The following GXYLT2 variants were observed in gnomAD, a reference collection of about 807,000 sequenced individuals.
GXYLT2 encodes the protein glucoside xylosyltransferase 2.
In GXYLT2, 53 loss-of-function variants were observed where a neutral mutation model predicts 45.8. The observed-to-expected ratio is 1.16, with a 90% CI of 0.93 to 1.46. The LOEUF (loss-of-function observed/expected upper bound fraction) is 1.46, where lower values mean the gene tolerates loss of function less well. Among genes scored for constraint, GXYLT2 ranks in the 40% most tolerant of loss-of-function variants. The pLI is 0.00. For synonymous variants in GXYLT2, 219 were observed against 214.2 expected (o/e 1.02, Z -0.19); for missense variants, 551 against 544.4 (o/e 1.01, Z -0.12).
chr3:72,935,472 A>G (rs990232363), intron 3 of GXYLT2, among the ~76,000 whole-genome samples: 2 of 152,212 alleles, frequency 1.3e-5, no homozygotes, highest in Admixed American at 1.3e-4. Flanking sequence ...ATTTCCCAGA[A>G]CAAGCAGACA....
rs913880066 is a variant in GXYLT2 at position 72,975,345 on chromosome 3, T to C, written c.*186T>C. The C allele has an allele frequency of 4.8e-6, 2 of 414,378 alleles. No homozygotes were observed. The highest frequency in any genetic ancestry group is 8.8e-5 in the South Asian group (1 of 11,422). The allele number at this position is 414,378 out of a possible 1,614,324, so 25.7% of individuals were successfully genotyped here. A position where few individuals can be genotyped will look rare whatever the true frequency, so the allele number is the denominator to read the frequency against. On this transcript the variant is annotated 3_prime_UTR_variant, in exon 7 of 7. Transcript: ENST00000389617. ...GAATATGCTTTTCCTTATTTTTTTTTCTAAAATGCTATTTATCTCTAAGGA... is the reference window on the plus strand; with the variant it reads ...GAATATGCTTTTCCTTATTTTTTTTCCTAAAATGCTATTTATCTCTAAGGA...
intron 5 of GXYLT2, among the ~76,000 whole-genome samples, chr3:72,963,830 G>A (rs997000995): frequency 6.6e-6 from 1 of 151,928 alleles, no homozygotes; most frequent in Non-Finnish European, 1.5e-5. Context: ...GTGCCACCAC[G>A]CCCAGCTAAT....
At chr3:72,962,894 G>T (rs1270002396) in intron 5 of GXYLT2, among the ~76,000 whole-genome samples, 1 of 151,710 alleles carries the variant, frequency 6.6e-6, no homozygotes, top group African/African-American at 2.4e-5. Context: ...TTGGAACAAG[G>T]AGCATTCTGA....
intron 2 of GXYLT2, among the ~76,000 whole-genome samples, chr3:72,918,843 A>T (rs1448335357): frequency 1.3e-5 from 2 of 151,980 alleles, no homozygotes; most frequent in African/African-American, 2.4e-5. Context: ...GAAAAAAAAA[A>T]TTAAGATACA....
At chr3:72,942,008 G>T (rs1710311080) in intron 3 of GXYLT2, among the ~76,000 whole-genome samples, 1 of 152,174 alleles carries the variant, frequency 6.6e-6, no homozygotes, top group African/African-American at 2.4e-5. Context: ...GCTGAAGGCA[G>T]GGAAAATGCA....
intron 1 of GXYLT2, among the ~76,000 whole-genome samples, chr3:72,898,000 A>G (rs1217258653): frequency 1.3e-5 from 2 of 152,226 alleles, no homozygotes. Flanking sequence ...ACATATTTAT[A>G]TACACACACC....
chr3:72,896,708 G>A (rs1709298021), intron 1 of GXYLT2, among the ~76,000 whole-genome samples: 1 of 152,250 alleles, frequency 6.6e-6, no homozygotes, highest in South Asian at 2.1e-4. Context: ...AATTAGCCGG[G>A]CATGGTGGCA....
intron 1 of GXYLT2, among the ~76,000 whole-genome samples, chr3:72,904,967 T>A (rs1709481344): frequency 6.8e-6 from 1 of 147,394 alleles, no homozygotes; most frequent in Non-Finnish European, 1.5e-5. Flanking sequence ...GAGAATTGCT[T>A]GAGCCTGGGA....
intron 2 of GXYLT2, among the ~76,000 whole-genome samples, chr3:72,921,872 A>T (rs181248034): frequency 4.1e-5 from 6 of 145,824 alleles, no homozygotes; most frequent in Non-Finnish European, 8.9e-5. Context: ...TTGTTATTAC[A>T]AACTAGGTTG....
intron 3 of GXYLT2, chr3:72,929,477 A>G: frequency 2.0e-6 from 3 of 1,512,670 alleles, no homozygotes; most frequent in Non-Finnish European, 2.7e-6. Flanking sequence ...AGCAGGTGAA[A>G]GCCATCAAAG....
intron 3 of GXYLT2, among the ~76,000 whole-genome samples, chr3:72,924,593 T>A (rs1221011764): frequency 6.6e-6 from 1 of 152,164 alleles, no homozygotes; most frequent in Non-Finnish European, 1.5e-5. Context: ...GAAGACACTC[T>A]GGTTTATGGC....
chr3:72,941,918 A>C (rs1312138781), intron 3 of GXYLT2, among the ~76,000 whole-genome samples: 1 of 152,154 alleles, frequency 6.6e-6, no homozygotes, highest in East Asian at 1.9e-4. Flanking sequence ...AGCAATGAAC[A>C]CACCTAGCAC....
intron 3 of GXYLT2, among the ~76,000 whole-genome samples, chr3:72,928,800 TA>T (rs1302288982): frequency 2.0e-5 from 3 of 150,768 alleles, no homozygotes; most frequent in Admixed American, 6.6e-5. Context: ...AAAAACCCCA[TA>T]AAAAAATAAA....
chr3:72,932,242 G>C (rs898191581), intron 3 of GXYLT2, among the ~76,000 whole-genome samples: 3 of 152,038 alleles, frequency 2.0e-5, no homozygotes, highest in Non-Finnish European at 4.4e-5. Context: ...ATTTTTAGTA[G>C]AGATGGGGTT....
intron 3 of GXYLT2, among the ~76,000 whole-genome samples, chr3:72,940,746 A>G (rs13074368): frequency 0.58 from 87,530 of 152,068 alleles, 25,885 homozygotes; most frequent in Admixed American, 0.64. Flanking sequence ...CAGTGGTGCA[A>G]TCATGGCTCA....
intron 3 of GXYLT2, among the ~76,000 whole-genome samples, chr3:72,939,081 T>C (rs992646612): frequency 1.3e-5 from 2 of 152,176 alleles, no homozygotes; most frequent in African/African-American, 2.4e-5. Flanking sequence ...TAAAAATTGA[T>C]AGGCTTTAAT....
intron 2 of GXYLT2, among the ~76,000 whole-genome samples, chr3:72,920,702 G>A (rs76034473): frequency 0.019 from 2,920 of 151,860 alleles, 95 homozygotes; most frequent in African/African-American, 0.05. Flanking sequence ...AATGTAGCCC[G>A]AGGAAATGAA....
In GXYLT2 at chr3:72,928,929, G is replaced by A. The variant is rs1414323229; in HGVS notation, c.600+6594G>A. On this transcript the variant is annotated intron_variant, in intron 3 of 6. Coordinates refer to ENST00000389617, the MANE Select transcript of GXYLT2 (RefSeq NM_001080393.2). ...CCGGCGTTCGTCCCCCATCCCGGCC[G>A]GCCGCCCATAGCCAGTCCTCCGTCA... is the stretch of plus-strand genomic sequence containing the variant. 4.4e-5 allele frequency: 32 copies of A among 719,292 alleles called. No individual in the cohort carries two copies. The Middle Eastern group carries it at 1.4e-3, about 33-fold the overall frequency. The allele number at this position is 719,292 out of a possible 1,614,324, so 44.6% of individuals were successfully genotyped here. A position where few individuals can be genotyped will look rare whatever the true frequency, so the allele number is the denominator to read the frequency against.
chr3:72,959,685 A>G (rs1165409775), intron 5 of GXYLT2, among the ~76,000 whole-genome samples: 1 of 151,622 alleles, frequency 6.6e-6, no homozygotes, highest in Non-Finnish European at 1.5e-5. Context: ...CCCAGGCTGG[A>G]GTGCAATGGC....
Sources: allele counts gnomAD v4.1 joint callset (sites outside exome capture counted in the v4.1 genomes callset), GRCh38; gene constraint gnomAD v4.1.1; transcripts MANE v1.5; gene names NCBI Gene and HGNC (gene_info 2026-07-23, HGNC 2026-07-21).